Variants in PLCB1 observed in about 807,000 individuals in gnomAD.
PLCB1 encodes the protein 1-phosphatidylinositol 4,5-bisphosphate phosphodiesterase beta-1.
Under a neutral mutation model 161.8 loss-of-function variants are expected in PLCB1, and 46 were observed. That is an observed-to-expected ratio of 0.28 (90% CI 0.22 to 0.36). The LOEUF (loss-of-function observed/expected upper bound fraction) is 0.36, where lower values mean the gene tolerates loss of function less well. PLCB1 is among the 10% of genes least tolerant of loss of function. The probability of loss-of-function intolerance (pLI) is 1.00; values close to 1 mark genes in which losing one functional copy is unlikely to be tolerated. For synonymous variants in PLCB1, 517 were observed against 503.7 expected (o/e 1.03, Z -0.35); for missense variants, 1,016 against 1,472.5 (o/e 0.69, Z 5.07).
intron 9 of PLCB1, among the ~76,000 whole-genome samples, chr20:8,672,605 G>A (rs779679647): frequency 1.3e-5 from 2 of 152,116 alleles, no homozygotes; most frequent in Non-Finnish European, 2.9e-5. Context: ...GCAGGGAAGA[G>A]CCTCAGTGGG....
chr20:8,648,307 C>T (rs902076918), intron 6 of PLCB1, among the ~76,000 whole-genome samples: 1 of 152,136 alleles, frequency 6.6e-6, no homozygotes, highest in South Asian at 2.1e-4. Context: ...GGCTGTAGCC[C>T]TCAAGCAGGG....
At chr20:8,673,447 G>A (rs1409644376) in intron 9 of PLCB1, among the ~76,000 whole-genome samples, 2 of 152,170 alleles carry the variant, frequency 1.3e-5, no homozygotes, top group East Asian at 3.9e-4. Flanking sequence ...TCTAGGCAGA[G>A]GTAGGGTGTA....
At chr20:8,625,977 A>G (rs1444966990) in intron 3 of PLCB1, among the ~76,000 whole-genome samples, 3 of 152,146 alleles carry the variant, frequency 2.0e-5, no homozygotes, top group Non-Finnish European at 4.4e-5. Flanking sequence ...CAGGAGTTCG[A>G]GATCAGCCTG....
At chr20:8,551,437 A>G (rs910801072) in intron 3 of PLCB1, among the ~76,000 whole-genome samples, 1 of 152,094 alleles carries the variant, frequency 6.6e-6, no homozygotes, top group Non-Finnish European at 1.5e-5. Flanking sequence ...TTCCTTTTTC[A>G]TGGCAATCAT....
chr20:8,382,006 GT>G (rs1190798731), intron 3 of PLCB1, among the ~76,000 whole-genome samples: 1 of 152,020 alleles, frequency 6.6e-6, no homozygotes, highest in Non-Finnish European at 1.5e-5. Flanking sequence ...TTTTGGATTA[GT>G]TTGGCCTTGC....
intron 31 of PLCB1, among the ~76,000 whole-genome samples, chr20:8,811,420 T>A (rs1291022142): frequency 6.6e-6 from 1 of 152,198 alleles, no homozygotes; most frequent in Non-Finnish European, 1.5e-5. Context: ...CATGAAACAC[T>A]AAATCAAATG....
intron 27 of PLCB1, among the ~76,000 whole-genome samples, chr20:8,785,163 T>G (rs1983423048): frequency 6.6e-6 from 1 of 152,176 alleles, no homozygotes; most frequent in South Asian, 2.1e-4. Context: ...TACCTAAGGC[T>G]GGCTTAGAAA....
intron 2 of PLCB1, among the ~76,000 whole-genome samples, chr20:8,167,037 G>T (rs2123061144): frequency 6.6e-6 from 1 of 152,216 alleles, no homozygotes; most frequent in Non-Finnish European, 1.5e-5. Context: ...CTCTCTTAAT[G>T]GGGAAAGTAA....
At position 8,649,415 on chromosome 20, in the gene PLCB1, C is replaced by G; in HGVS notation, c.560C>G (p.Thr187Ser). Residue 187 changes from threonine to serine, a missense_variant, in exon 7 of 32, where the codon ACT (threonine) becomes AGT (serine). Around this residue, in one of 10 missense-constraint regions of PLCB1, gnomAD observed 181 missense variants for 236.7 expected, o/e 0.76. Transcript: ENST00000338037. Reference protein sequence around the residue: ...LFSADRKRVETALEACSLPSS... With the variant: ...LFSADRKRVESALEACSLPSS... ...TCAGCAGATCGGAAGCGAGTTGAAA[C>G]TGCTTTAGAGGCTTGTAGTCTTCCA... 6.2e-7 allele frequency: 1 copy of G among 1,613,408 alleles called. No individual in the cohort carries two copies. Among genetic ancestry groups the G allele is most frequent in the Non-Finnish European group, 8.5e-7 (1 of 1,179,390 alleles).
chr20:8,571,052 G>C (rs117307847), intron 3 of PLCB1, among the ~76,000 whole-genome samples: 34 of 152,210 alleles, frequency 2.2e-4, no homozygotes, highest in African/African-American at 8.2e-4. Context: ...GTGTGGAATG[G>C]TATGTAGGCA....
At chr20:8,307,444 C>T (rs924790316) in intron 2 of PLCB1, among the ~76,000 whole-genome samples, 6 of 152,264 alleles carry the variant, frequency 3.9e-5, no homozygotes, top group East Asian at 1.9e-4. Flanking sequence ...AATCTGTCGA[C>T]GACCTGACTG....
rs559860987 is a variant in PLCB1 at position 8,273,822 on chromosome 20, G to A, written c.178-97560G>A. Among the ~76,000 whole-genome samples, 4 of 152,258 alleles carry A rather than the reference G, an allele frequency of 2.6e-5. No homozygotes were observed. In the South Asian group the frequency reaches 8.3e-4, roughly 32 times the overall value. On this transcript the variant is annotated intron_variant, in intron 2 of 31. Coordinates refer to ENST00000338037, the MANE Select transcript of PLCB1 (RefSeq NM_015192.4). ...CTAAAATGTATGGTGTAAGTGCCATGGGCACTGGTATGGAATGGATATGGA... is the reference window on the plus strand; with the variant it reads ...CTAAAATGTATGGTGTAAGTGCCATAGGCACTGGTATGGAATGGATATGGA...
intron 23 of PLCB1, 128 bp downstream of exon 23, chr20:8,741,701 G>A: frequency 1.7e-6 from 1 of 603,442 alleles, no homozygotes; most frequent in Non-Finnish European, 3.0e-6. Flanking sequence ...CTTTCATGCA[G>A]TTTAGCATCA....
At chr20:8,681,976 C>T (rs1301357384) in intron 9 of PLCB1, among the ~76,000 whole-genome samples, 1 of 152,102 alleles carries the variant, frequency 6.6e-6, no homozygotes, top group Non-Finnish European at 1.5e-5. Context: ...CATGCACATT[C>T]AGCTTTTAAA....
intron 3 of PLCB1, among the ~76,000 whole-genome samples, chr20:8,544,861 A>G (rs926408247): frequency 4.1e-5 from 6 of 147,062 alleles, no homozygotes; most frequent in African/African-American, 7.6e-5. Flanking sequence ...GAAATACAGA[A>G]ATGTCTGATT....
chr20:8,779,820 T>C (rs1305114874), intron 27 of PLCB1, among the ~76,000 whole-genome samples: 1 of 152,254 alleles, frequency 6.6e-6, no homozygotes, highest in African/African-American at 2.4e-5. Context: ...GTGAGCTCTT[T>C]ACAGCTTGTC....
At chr20:8,647,237 C>G (rs1299947135) in intron 5 of PLCB1, among the ~76,000 whole-genome samples, 1 of 152,152 alleles carries the variant, frequency 6.6e-6, no homozygotes, top group Non-Finnish European at 1.5e-5. Context: ...CTAGAACATT[C>G]ATTCTTCCAT....
chr20:8,303,183 A>G (rs1983984945), intron 2 of PLCB1, among the ~76,000 whole-genome samples: 1 of 152,256 alleles, frequency 6.6e-6, no homozygotes, highest in Non-Finnish European at 1.5e-5. Flanking sequence ...TAAGAAGAGC[A>G]TCTGGGCTGA....
intron 3 of PLCB1, among the ~76,000 whole-genome samples, chr20:8,502,244 T>A (rs981627069): frequency 3.3e-5 from 5 of 152,124 alleles, no homozygotes; most frequent in African/African-American, 1.2e-4. Context: ...ATTCTTAAAG[T>A]GTGCTAGGAA....
Sources: gnomAD v4.1 joint callset for allele counts (sites outside exome capture counted in the v4.1 genomes callset) on GRCh38, gnomAD v4.1.1 for gene constraint, gnomAD v4.1.1 regional missense constraint, MANE v1.5 for transcripts, NCBI Gene and HGNC (gene_info 2026-07-23, HGNC 2026-07-21) for gene names.